The following GFM2 variants were observed in gnomAD, a reference collection of about 807,000 sequenced individuals.
GFM2 encodes ribosome-releasing factor 2, mitochondrial.
A neutral mutation model predicts 95.4 loss-of-function variants in GFM2; 72 were observed. The observed-to-expected ratio is 0.76, with a 90% CI of 0.62 to 0.92. GFM2 has a LOEUF of 0.92. Ranked by LOEUF, GFM2 falls within the 40% of genes least tolerant of loss-of-function variation. GFM2 has a pLI of 0.00. For missense variants in GFM2, 825 were observed against 924.1 expected, an observed-to-expected ratio of 0.89 and a Z score of 1.39; for synonymous variants, 276 against 317.5, an observed-to-expected ratio of 0.87 and a Z score of 1.39.
chr5:74,763,382 G>A (rs1744381264), intron 2 of GFM2, among the ~76,000 whole-genome samples: 1 of 152,226 alleles, frequency 6.6e-6, no homozygotes. Flanking sequence ...TGTGCATTAA[G>A]TGATGACATT....
chr5:74,726,958 G>C (rs756728426), intron 17 of GFM2, among the ~76,000 whole-genome samples: 17 of 152,148 alleles, frequency 1.1e-4, no homozygotes, highest in Non-Finnish European at 1.8e-4. Flanking sequence ...CTTGAGGCCA[G>C]GAATTTGAGA....
intron 14 of GFM2, among the ~76,000 whole-genome samples, chr5:74,737,328 A>C (rs972288658): frequency 6.6e-6 from 1 of 152,220 alleles, no homozygotes; most frequent in African/African-American, 2.4e-5. Context: ...TCTACCACCC[A>C]TAAGAATTTA....
chr5:74,733,293 CCAG>C, intron 15 of GFM2, 195 bp from the exon 16 acceptor site: 2 of 453,160 alleles, frequency 4.4e-6, no homozygotes, highest in African/African-American at 2.0e-5. Context: ...GAGTTTGCGA[CCAG>C]CCTGGGCAAC....
chr5:74,734,111 G>A (rs1051338110), intron 15 of GFM2, among the ~76,000 whole-genome samples: 1 of 151,984 alleles, frequency 6.6e-6, no homozygotes, highest in African/African-American at 2.4e-5. Flanking sequence ...AGGCCTTTTA[G>A]ACCCACACTA....
At chr5:74,741,317 A>T (rs1391163992) in intron 11 of GFM2, among the ~76,000 whole-genome samples, 2 of 152,138 alleles carry the variant, frequency 1.3e-5, no homozygotes, top group Non-Finnish European at 2.9e-5. Context: ...TTCAATTTTT[A>T]ATTTTGTAAA....
At chr5:74,748,058 G>C (rs531490350) in intron 7 of GFM2, among the ~76,000 whole-genome samples, 1 of 152,326 alleles carries the variant, frequency 6.6e-6, no homozygotes, top group South Asian at 2.1e-4. Flanking sequence ...ACCTCAGGAG[G>C]TACTGAGAAT....
At position 74,721,506 on chromosome 5, in the gene GFM2, T is replaced by C; in HGVS notation, c.*149A>G. 3 of 918,302 alleles carry C rather than the reference T, an allele frequency of 3.3e-6. No homozygotes were observed. Among genetic ancestry groups the C allele is most frequent in the Non-Finnish European group, 3.4e-6 (2 of 582,116 alleles). The allele number at this position is 918,302 out of a possible 1,614,324, so 56.9% of individuals were successfully genotyped here. On this transcript the variant is annotated 3_prime_UTR_variant, in exon 21 of 21. Coordinates refer to ENST00000296805, the MANE Select transcript of GFM2 (RefSeq NM_032380.5). Reference sequence around the variant, plus strand: ...TTAAAACGGGTGGCTCCAGTGCCACTATCAAAGCTTAAGTTATATCTTTTA... The same window carrying C: ...TTAAAACGGGTGGCTCCAGTGCCACCATCAAAGCTTAAGTTATATCTTTTA...
chr5:74,732,146 T>TTTTTTTG (rs1412805527), intron 16 of GFM2, among the ~76,000 whole-genome samples: 1 of 147,990 alleles, frequency 6.8e-6, no homozygotes, highest in Non-Finnish European at 1.5e-5. Context: ...TTTTTTTTTT[T>TTTTTTTG]TTTTTTGTAG....
At position 74,736,804 on chromosome 5, in the gene GFM2, T is replaced by C. The variant is rs868109586; in HGVS notation, c.1502A>G (p.Lys501Arg). ...ACTAAGACCATTTATACCTGGCTGCTTAGACAGTGATGGGGGTTCTATGGT... is the reference window on the plus strand; with the variant it reads ...ACTAAGACCATTTATACCTGGCTGCCTAGACAGTGATGGGGGTTCTATGGT... ...FCTIEPPSLS[K>R]QPDLEHALKC... The change falls in exon 15 of 21, where the codon AAG (lysine) becomes AGG (arginine). Residue 501 changes from lysine (K) to arginine (R), a missense_variant. Lys to Arg is a conservative substitution (Grantham distance 26, BLOSUM62 2). Transcript: ENST00000296805. 6.2e-7 allele frequency: 1 copy of C among 1,613,902 alleles called. No homozygotes were observed. The highest frequency in any genetic ancestry group is 1.3e-5 in the African/African-American group (1 of 75,034).
At chr5:74,731,309 A>G (rs1055498964) in intron 16 of GFM2, among the ~76,000 whole-genome samples, 1 of 152,176 alleles carries the variant, frequency 6.6e-6, no homozygotes, top group Admixed American at 6.5e-5. Context: ...TATGAGGGAG[A>G]AACTGACTTT....
chr5:74,731,197 T>G (rs1279070211), intron 16 of GFM2, among the ~76,000 whole-genome samples: 1 of 152,192 alleles, frequency 6.6e-6, no homozygotes, highest in East Asian at 1.9e-4. Context: ...GGGAATAACC[T>G]TTCTAAAAAA....
chr5:74,745,188 T>C (rs2112292792), intron 10 of GFM2, among the ~76,000 whole-genome samples: 1 of 151,680 alleles, frequency 6.6e-6, no homozygotes, highest in Middle Eastern at 3.4e-3. Flanking sequence ...AAAATAAAAA[T>C]AAAAAAATTA....
chr5:74,728,770 T>TTTTTTTTTTTTTTTTTGAGA (rs756604027), intron 17 of GFM2, among the ~76,000 whole-genome samples: 4 of 113,792 alleles, frequency 3.5e-5, no homozygotes, highest in African/African-American at 1.2e-4. Flanking sequence ...TTTTTTTTTT[T>TTTTTTTTTTTTTTTTTGAGA]TTTTGAGATG....
chr5:74,761,830 T>C lies in GFM2; in HGVS notation c.64-844A>G, dbSNP rs547345604. Reference sequence around the variant, plus strand: ...TTAATAGCTGCCAATGTAGTTGGAATTGTTAGTGTATGTAATGATTTAGGG... The same window carrying C: ...TTAATAGCTGCCAATGTAGTTGGAACTGTTAGTGTATGTAATGATTTAGGG... On this transcript the variant is annotated intron_variant, in intron 2 of 20. Coordinates refer to ENST00000296805, the MANE Select transcript of GFM2 (RefSeq NM_032380.5). Among the ~76,000 whole-genome samples, 3 of 152,312 alleles carry C rather than the reference T, an allele frequency of 2.0e-5. No homozygotes were observed. The East Asian group carries it at 5.8e-4, about 29-fold the overall frequency.
At chr5:74,738,693 G>C in intron 12 of GFM2, 51 bp from the exon 13 acceptor site, 1 of 1,530,282 alleles carries the variant, frequency 6.5e-7, no homozygotes, top group Non-Finnish European at 8.8e-7. Context: ...TCCCATAACT[G>C]CAGAAACTTA....
chr5:74,738,856 C>A (rs779411230), intron 12 of GFM2, among the ~76,000 whole-genome samples: 107 of 152,102 alleles, frequency 7.0e-4, no homozygotes, highest in Non-Finnish European at 1.3e-3. Flanking sequence ...ATAACAGATT[C>A]TCTTCCAAAT....
intron 10 of GFM2, among the ~76,000 whole-genome samples, chr5:74,742,063 C>G (rs955636165): frequency 6.6e-5 from 10 of 152,156 alleles, no homozygotes; most frequent in African/African-American, 2.4e-4. Context: ...TTGCTGTAAT[C>G]CCGCACTGAA....
intron 17 of GFM2, among the ~76,000 whole-genome samples, chr5:74,728,748 C>CTTTTTTTT (rs57180600): frequency 3.3e-4 from 19 of 58,244 alleles, no homozygotes; most frequent in African/African-American, 6.8e-4. Flanking sequence ...GTGGGGGTTT[C>CTTTTTTTT]TTTTTTTTTT....
intron 17 of GFM2, among the ~76,000 whole-genome samples, chr5:74,726,841 C>T (rs6897850): frequency 0.039 from 5,899 of 152,104 alleles, 388 homozygotes; most frequent in African/African-American, 0.13. Flanking sequence ...TGTATGCTTA[C>T]GTTTTATACT....
Sources: gnomAD v4.1 joint callset for allele counts (sites outside exome capture counted in the v4.1 genomes callset) on GRCh38, gnomAD v4.1.1 for gene constraint, MANE v1.5 for transcripts, NCBI Gene and HGNC (gene_info 2026-07-23, HGNC 2026-07-21) for gene names.